FHIT: variants seen among roughly 807,000 people sequenced by gnomAD.
FHIT encodes the protein bis(5'-adenosyl)-triphosphatase.
In FHIT, 19 loss-of-function variants were observed where a neutral mutation model predicts 17.9. The observed-to-expected ratio is 1.06, with a 90% CI of 0.74 to 1.56. The LOEUF (loss-of-function observed/expected upper bound fraction) is 1.56, where lower values mean the gene tolerates loss of function less well. Ranked by LOEUF, FHIT falls within the 40% of genes most tolerant of loss-of-function variation. The probability of loss-of-function intolerance (pLI) is 0.00; values close to 1 mark genes in which losing one functional copy is unlikely to be tolerated. For synonymous variants in FHIT, 81 were observed against 69.7 expected (o/e 1.16, Z -0.81); for missense variants, 248 against 189.2 (o/e 1.31, Z -1.82).
intron 3 of FHIT, among the ~76,000 whole-genome samples, chr3:60,908,627 G>C (rs547455571): frequency 7.0e-6 from 1 of 141,850 alleles, no homozygotes; most frequent in Admixed American, 7.3e-5. Context: ...TACTATAAAA[G>C]AAAGCGAGAA....
chr3:60,746,610 G>A (rs2042362144), intron 4 of FHIT, among the ~76,000 whole-genome samples: 1 of 152,172 alleles, frequency 6.6e-6, no homozygotes, highest in African/African-American at 2.4e-5. Context: ...AGAAGGGAGG[G>A]ATGGAGCAAG....
intron 3 of FHIT, among the ~76,000 whole-genome samples, chr3:60,876,792 T>C (rs1704680038): frequency 6.6e-6 from 1 of 152,034 alleles, no homozygotes. Flanking sequence ...AAACAATGAA[T>C]AAACAACTAC....
At chr3:60,593,142 G>A (rs1241803465) in intron 4 of FHIT, among the ~76,000 whole-genome samples, 1 of 152,106 alleles carries the variant, frequency 6.6e-6, no homozygotes, top group Non-Finnish European at 1.5e-5. Context: ...ATTTTGACTA[G>A]AACATACATT....
chr3:60,397,269 T>G (rs183199070), intron 5 of FHIT, among the ~76,000 whole-genome samples: 38 of 152,270 alleles, frequency 2.5e-4, no homozygotes, highest in Admixed American at 7.8e-4. Context: ...AAAGTCAGCA[T>G]TAGACACCTA....
intron 5 of FHIT, among the ~76,000 whole-genome samples, chr3:60,182,601 G>C (rs114009138): frequency 0.017 from 2,638 of 152,042 alleles, 68 homozygotes; most frequent in African/African-American, 0.061. Context: ...AACATGGCAA[G>C]TTCCTGTCTC....
chr3:59,985,556 A>G (rs117658911), intron 7 of FHIT, among the ~76,000 whole-genome samples: 1 of 152,156 alleles, frequency 6.6e-6, no homozygotes, highest in Non-Finnish European at 1.5e-5. Context: ...AGGTAATTTT[A>G]TCTGTGCTGA....
At chr3:60,168,406 C>G (rs901886262) in intron 5 of FHIT, among the ~76,000 whole-genome samples, 1 of 152,140 alleles carries the variant, frequency 6.6e-6, no homozygotes, top group East Asian at 1.9e-4. Context: ...TCTGCCAATA[C>G]CAACCATCAA....
At chr3:60,404,166 C>T (rs242210) in intron 5 of FHIT, among the ~76,000 whole-genome samples, 5,063 of 152,026 alleles carry the variant, frequency 0.033, 170 homozygotes, top group African/African-American at 0.082. Flanking sequence ...TCAAAAAATC[C>T]CTACTTTTTT....
chr3:60,768,481 C>T (rs1230328878), intron 4 of FHIT, among the ~76,000 whole-genome samples: 1 of 152,158 alleles, frequency 6.6e-6, no homozygotes, highest in Non-Finnish European at 1.5e-5. Context: ...CTACGGTGGC[C>T]AAATACAGAG....
At chr3:60,158,889 T>C (rs1700820040) in intron 5 of FHIT, among the ~76,000 whole-genome samples, 2 of 152,060 alleles carry the variant, frequency 1.3e-5, no homozygotes, top group Admixed American at 6.5e-5. Flanking sequence ...TAACACCCTC[T>C]TACTGAGATA....
At chr3:59,983,337 T>C (rs974225777) in intron 7 of FHIT, among the ~76,000 whole-genome samples, 1 of 152,124 alleles carries the variant, frequency 6.6e-6, no homozygotes, top group African/African-American at 2.4e-5. Context: ...AGTCCTACCT[T>C]CCTATTGGCA....
intron 1 of FHIT, among the ~76,000 whole-genome samples, chr3:61,202,197 C>A (rs1378611267): frequency 6.6e-6 from 1 of 151,870 alleles, no homozygotes; most frequent in Admixed American, 6.6e-5. Context: ...AAGTGAGGAG[C>A]CCCTCTGCCC....
chr3:59,781,013 A>G (rs1702559207), intron 8 of FHIT, among the ~76,000 whole-genome samples: 1 of 152,180 alleles, frequency 6.6e-6, no homozygotes, highest in Non-Finnish European at 1.5e-5. Flanking sequence ...CTAGAATATA[A>G]TACAAATAAA....
chr3:61,181,966 C>T (rs2038357863), intron 2 of FHIT, among the ~76,000 whole-genome samples: 1 of 152,182 alleles, frequency 6.6e-6, no homozygotes, highest in Non-Finnish European at 1.5e-5. Context: ...GGTTTAAATA[C>T]TCTAACCAGA....
intron 5 of FHIT, among the ~76,000 whole-genome samples, chr3:60,117,539 G>T (rs374225430): frequency 6.9e-6 from 1 of 145,168 alleles, no homozygotes; most frequent in Non-Finnish European, 1.5e-5. Flanking sequence ...TATCACCTAG[G>T]TAATTATATT....
chr3:60,913,558 C>T (rs1450168330), intron 3 of FHIT, among the ~76,000 whole-genome samples: 1 of 152,180 alleles, frequency 6.6e-6, no homozygotes, highest in Non-Finnish European at 1.5e-5. Context: ...ACTGCTTATC[C>T]CACTTTGGGT....
chr3:60,345,813 A>G (rs567497862), intron 5 of FHIT, among the ~76,000 whole-genome samples: 1 of 152,304 alleles, frequency 6.6e-6, no homozygotes, highest in Admixed American at 6.5e-5. Flanking sequence ...GAAAACTATG[A>G]CATGCTATCA....
intron 4 of FHIT, among the ~76,000 whole-genome samples, chr3:60,584,167 T>A (rs1336709984): frequency 6.6e-6 from 1 of 152,012 alleles, no homozygotes. Flanking sequence ...ATAGAAGAAC[T>A]CATTATATTT....
At chr3:60,720,484 C>T (rs892256793) in intron 4 of FHIT, among the ~76,000 whole-genome samples, 5 of 152,154 alleles carry the variant, frequency 3.3e-5, no homozygotes, top group African/African-American at 4.8e-5. Flanking sequence ...AGAGCAAGAG[C>T]TTACTTAATG....
Sources: gnomAD v4.1 joint callset for allele counts (sites outside exome capture counted in the v4.1 genomes callset) on GRCh38, gnomAD v4.1.1 for gene constraint, MANE v1.5 for transcripts, NCBI Gene and HGNC (gene_info 2026-07-23, HGNC 2026-07-21) for gene names.